Variants in ESR1 observed in about 807,000 individuals in gnomAD.
The protein encoded by ESR1 is estrogen receptor 1, also known as estrogen receptor.
Under a neutral mutation model 52.7 loss-of-function variants are expected in ESR1, and 12 were observed. The observed-to-expected ratio is 0.23, with a 90% CI of 0.15 to 0.37. ESR1 has a LOEUF of 0.37. ESR1 is among the 10% of genes least tolerant of loss of function. The probability of loss-of-function intolerance (pLI) is 1.00; values close to 1 mark genes in which losing one functional copy is unlikely to be tolerated. For missense variants in ESR1, 584 were observed against 779.7 expected (o/e 0.75, Z 2.99); for synonymous variants, 305 against 316.8 (o/e 0.96, Z 0.39).
At chr6:151,842,896 A>G (rs1161844534) in intron 2 of ESR1, 109 bp downstream of exon 2, 4 of 897,370 alleles carry the variant, frequency 4.5e-6, no homozygotes, top group African/African-American at 1.6e-5. Flanking sequence ...ACAAAACATG[A>G]ATCCCTAGTA....
At chr6:152,028,140 T>G (rs1313367443) in intron 5 of ESR1, among the ~76,000 whole-genome samples, 7 of 151,628 alleles carry the variant, frequency 4.6e-5, no homozygotes, top group Admixed American at 4.6e-4. Context: ...TGAGACTTTG[T>G]CTCAAAAAAA....
intron 5 of ESR1, among the ~76,000 whole-genome samples, chr6:152,034,202 T>C (rs1439633070): frequency 2.6e-5 from 4 of 151,868 alleles, no homozygotes; most frequent in African/African-American, 9.7e-5. Context: ...GACGAGTTAA[T>C]GGGTGCAGCA....
At chr6:151,735,698 G>C (rs777095630) in intron 2 of ESR1, among the ~76,000 whole-genome samples, 3 of 152,024 alleles carry the variant, frequency 2.0e-5, no homozygotes, top group Non-Finnish European at 4.4e-5. Flanking sequence ...AGGGTCCTTG[G>C]ATTTTATGGG....
intron 2 of ESR1, among the ~76,000 whole-genome samples, chr6:151,777,118 C>CTTTTTT (rs745685480): frequency 7.0e-5 from 10 of 142,860 alleles, no homozygotes; most frequent in African/African-American, 2.7e-4. Context: ...CTTTTCTTTT[C>CTTTTTT]TTTTCTTTTT....
At chr6:152,084,246 G>C (rs2049491447) in intron 6 of ESR1, among the ~76,000 whole-genome samples, 1 of 151,098 alleles carries the variant, frequency 6.6e-6, no homozygotes, top group Admixed American at 6.6e-5. Flanking sequence ...CACAGCACAA[G>C]GAACATCACA....
chr6:152,048,472 C>G (rs917850427), intron 5 of ESR1, among the ~76,000 whole-genome samples: 1 of 151,276 alleles, frequency 6.6e-6, no homozygotes, highest in African/African-American at 2.4e-5. Context: ...AAGCCCCATT[C>G]TTTTTCTTCT....
intron 2 of ESR1, among the ~76,000 whole-genome samples, chr6:151,727,347 G>T (rs1202638644): frequency 4.6e-5 from 7 of 151,898 alleles, no homozygotes; most frequent in Non-Finnish European, 1.0e-4. Context: ...GATTATAGGT[G>T]TGCACCATCA....
At chr6:151,829,005 A>G (rs918221947) in intron 1 of ESR1, among the ~76,000 whole-genome samples, 3 of 152,254 alleles carry the variant, frequency 2.0e-5, no homozygotes, top group African/African-American at 7.2e-5. Context: ...TTTCGCATCA[A>G]AGAGGTCCCT....
chr6:152,024,005 C>G (rs1368359389), intron 5 of ESR1, among the ~76,000 whole-genome samples: 1 of 152,102 alleles, frequency 6.6e-6, no homozygotes, highest in African/African-American at 2.4e-5. Flanking sequence ...ATATTTTCTT[C>G]TAGTAATTTT....
At chr6:151,832,850 C>A (rs1782670089) in intron 1 of ESR1, among the ~76,000 whole-genome samples, 1 of 152,142 alleles carries the variant, frequency 6.6e-6, no homozygotes, top group African/African-American at 2.4e-5. Flanking sequence ...GAATTTTAGT[C>A]ATTCCACAAC....
chr6:152,009,304 G>A (rs1156310173), intron 4 of ESR1, among the ~76,000 whole-genome samples: 1 of 152,118 alleles, frequency 6.6e-6, no homozygotes. Context: ...ATGGCTGAGT[G>A]ATGTAGTGGA....
intron 2 of ESR1, among the ~76,000 whole-genome samples, chr6:151,851,614 G>T (rs573949935): frequency 6.7e-6 from 1 of 148,862 alleles, no homozygotes; most frequent in Non-Finnish European, 1.5e-5. Context: ...AACAACCTCC[G>T]TCTCCTGGGT....
chr6:151,669,534 G>A (rs1777975867), intron 1 of ESR1, among the ~76,000 whole-genome samples: 1 of 152,188 alleles, frequency 6.6e-6, no homozygotes, highest in African/African-American at 2.4e-5. Context: ...CGAACCAAGG[G>A]TGAAGGGCAG....
rs185682899 is a variant in ESR1, at chr6:152,049,783, G to C, written c.1236-11208G>C. Among the ~76,000 whole-genome samples the C allele has an allele frequency of 2.0e-5, 3 of 152,266 alleles. No homozygotes were observed. The East Asian group carries it at 5.8e-4, about 29-fold the overall frequency. ...CCCTGGGAGGGCCTTCATCCTACGA[G>C]GGGTTGGAAGTGGAAATGGATGTGT... is the stretch of plus-strand genomic sequence containing the variant. On this transcript the variant is annotated intron_variant, in intron 5 of 7. Transcript: ENST00000206249.
At chr6:152,076,947 T>C (rs2128999222) in intron 6 of ESR1, among the ~76,000 whole-genome samples, 1 of 152,260 alleles carries the variant, frequency 6.6e-6, no homozygotes, top group East Asian at 1.9e-4. Context: ...GAAAAACCCA[T>C]TTTTTTGAGG....
intron 2 of ESR1, among the ~76,000 whole-genome samples, chr6:151,755,928 G>A (rs1784252380): frequency 6.6e-6 from 1 of 152,072 alleles, no homozygotes; most frequent in African/African-American, 2.4e-5. Context: ...ACCGCGCCCA[G>A]CCATGACTCT....
chr6:151,693,899 T>C (rs1779130385), intron 1 of ESR1, among the ~76,000 whole-genome samples: 1 of 152,178 alleles, frequency 6.6e-6, no homozygotes, highest in Admixed American at 6.5e-5. Context: ...ATTACAGACG[T>C]CAGCCAGCAT....
At chr6:151,733,981 T>G (rs1782450294) in intron 2 of ESR1, among the ~76,000 whole-genome samples, 1 of 152,162 alleles carries the variant, frequency 6.6e-6, no homozygotes, top group Non-Finnish European at 1.5e-5. Flanking sequence ...TTGGGATAAT[T>G]GGGTTGTCCC....
chr6:152,120,720 C>A (rs1264996910), intron 6 of ESR1, among the ~76,000 whole-genome samples: 1 of 152,024 alleles, frequency 6.6e-6, no homozygotes, highest in African/African-American at 2.4e-5. Context: ...GCTCCCAGGC[C>A]CCATCCCAGA....
Sources: allele counts gnomAD v4.1 joint callset (sites outside exome capture counted in the v4.1 genomes callset), GRCh38; gene constraint gnomAD v4.1.1; transcripts MANE v1.5; gene names NCBI Gene and HGNC (gene_info 2026-07-23, HGNC 2026-07-21).